FHIT: variants seen among roughly 807,000 people sequenced by gnomAD.
FHIT encodes fragile histidine triad diadenosine triphosphatase.
FHIT carries 19 observed loss-of-function variants against 17.9 expected under a neutral mutation model. The ratio of observed to expected loss-of-function variants is 1.06; its 90% CI spans 0.74 to 1.56. The LOEUF (loss-of-function observed/expected upper bound fraction) is 1.56. Among genes scored for constraint, FHIT ranks in the 40% most tolerant of loss-of-function variants. The pLI, the probability that FHIT is intolerant of heterozygous loss-of-function variation, is 0.00. For missense variants in FHIT, 248 were observed against 189.2 expected (o/e 1.31, Z -1.82); for synonymous variants, 81 against 69.7 (o/e 1.16, Z -0.81).
chr3:60,941,574 G>A lies in FHIT; in HGVS notation c.-111+100473C>T, dbSNP rs567653049. ...ATTGGTTTCTTTCTTTCCTATCCAT[G>A]TTTTTATACTTTTTCTACTGACTAT... is the stretch of plus-strand genomic sequence containing the variant. On this transcript the variant is annotated intron_variant, in intron 3 of 9. Transcript: ENST00000492590. Among the ~76,000 whole-genome samples, 89 of 152,202 alleles carry A rather than the reference G, an allele frequency of 5.8e-4. No individual in the cohort carries two copies. In the South Asian group the frequency reaches 6.4e-3, roughly 11 times the overall value.
At chr3:61,005,410 T>TGTGATG (rs766332154) in intron 3 of FHIT, among the ~76,000 whole-genome samples, 3 of 151,870 alleles carry the variant, frequency 2.0e-5, no homozygotes, top group Non-Finnish European at 2.9e-5. Flanking sequence ...TGATAATGAT[T>TGTGATG]GTGATGGTGA....
intron 4 of FHIT, among the ~76,000 whole-genome samples, chr3:60,664,608 A>G (rs1165512136): frequency 2.6e-5 from 4 of 151,362 alleles, no homozygotes; most frequent in Non-Finnish European, 5.9e-5. Context: ...GTAGTCCTAG[A>G]GATTTCTTTT....
At chr3:61,079,350 T>C (rs377685817) in intron 2 of FHIT, among the ~76,000 whole-genome samples, 1 of 152,166 alleles carries the variant, frequency 6.6e-6, no homozygotes, top group Non-Finnish European at 1.5e-5. Context: ...TTGAGGACAC[T>C]ATAGTGTTTC....
chr3:60,142,332 C>G (rs1161122511), intron 5 of FHIT, among the ~76,000 whole-genome samples: 1 of 152,014 alleles, frequency 6.6e-6, no homozygotes, highest in Non-Finnish European at 1.5e-5. Context: ...TGCACAGGGC[C>G]CAAGAGGAAA....
intron 8 of FHIT, among the ~76,000 whole-genome samples, chr3:59,826,900 C>G (rs369656031): frequency 5.4e-4 from 82 of 152,336 alleles, no homozygotes; most frequent in African/African-American, 1.9e-3. Flanking sequence ...AATTAGTCCA[C>G]CTTATGGCAT....
At chr3:60,490,947 C>G (rs2034038023) in intron 5 of FHIT, among the ~76,000 whole-genome samples, 2 of 152,104 alleles carry the variant, frequency 1.3e-5, no homozygotes, top group Non-Finnish European at 2.9e-5. Context: ...TTTGTGCTAC[C>G]TTTCCTCTAC....
intron 5 of FHIT, among the ~76,000 whole-genome samples, chr3:60,016,229 T>C (rs1269358167): frequency 6.6e-6 from 1 of 152,244 alleles, no homozygotes. Flanking sequence ...GTACATATCA[T>C]GTGTGAAAAC....
At chr3:59,890,533 A>G (rs1028032682) in intron 8 of FHIT, among the ~76,000 whole-genome samples, 2 of 152,164 alleles carry the variant, frequency 1.3e-5, no homozygotes, top group Non-Finnish European at 2.9e-5. Flanking sequence ...TTCATCTGTT[A>G]CATTCCCAAT....
In FHIT at chr3:60,771,972, A is replaced by T. The variant is rs951116395; in HGVS notation, c.-18+49947T>A. Among the ~76,000 whole-genome samples, 17 of 152,334 alleles carry T rather than the reference A, an allele frequency of 1.1e-4. 1 individual carries two copies. The highest frequency in any genetic ancestry group is 3.4e-3 in the Middle Eastern group (1 of 294). ...TGCAGGAAACTCAGAGGAGTGCCCA[A>T]TCCAGGCAACAGCAGATTAGCACTG... On this transcript the variant is annotated intron_variant, in intron 4 of 9. Transcript: ENST00000492590.
chr3:60,237,463 CACA>C (rs1470553079), intron 5 of FHIT, among the ~76,000 whole-genome samples: 3 of 151,940 alleles, frequency 2.0e-5, no homozygotes, highest in Admixed American at 2.0e-4. Flanking sequence ...AACAGGGATC[CACA>C]CTGAATTCAC....
At chr3:60,299,557 A>G (rs1266339582) in intron 5 of FHIT, among the ~76,000 whole-genome samples, 1 of 152,074 alleles carries the variant, frequency 6.6e-6, no homozygotes, top group East Asian at 1.9e-4. Flanking sequence ...CCTGGGAAAC[A>G]TTGGCTTTAT....
intron 3 of FHIT, among the ~76,000 whole-genome samples, chr3:60,944,632 T>A (rs1708563982): frequency 6.6e-6 from 1 of 152,216 alleles, no homozygotes; most frequent in Admixed American, 6.5e-5. Flanking sequence ...CTATTTTAAT[T>A]GTTATGGGCT....
chr3:59,970,836 C>T, intron 7 of FHIT, among the ~76,000 whole-genome samples: 1 of 65,646 alleles, frequency 1.5e-5, no homozygotes, highest in African/African-American at 4.2e-5. Context: ...CCCACTCCAG[C>T]CATTTTTTTT....
intron 5 of FHIT, among the ~76,000 whole-genome samples, chr3:60,178,674 TTTAC>T (rs1209042996): frequency 1.3e-5 from 2 of 152,092 alleles, no homozygotes; most frequent in African/African-American, 4.8e-5. Flanking sequence ...ATACTAACAC[TTTAC>T]TCACTATTTA....
intron 3 of FHIT, among the ~76,000 whole-genome samples, chr3:61,010,423 T>G (rs1205520783): frequency 6.6e-6 from 1 of 152,218 alleles, no homozygotes; most frequent in Non-Finnish European, 1.5e-5. Context: ...TTCATTTATG[T>G]GACTCAACAA....
At chr3:60,503,357 T>C (rs544349147) in intron 5 of FHIT, among the ~76,000 whole-genome samples, 71 of 152,320 alleles carry the variant, frequency 4.7e-4, no homozygotes, top group African/African-American at 1.1e-3. Flanking sequence ...TGTCCACTCA[T>C]TGAGATCTCA....
At chr3:61,107,612 G>C (rs949530006) in intron 2 of FHIT, among the ~76,000 whole-genome samples, 3 of 152,072 alleles carry the variant, frequency 2.0e-5, no homozygotes, top group African/African-American at 7.2e-5. Context: ...TTTCTCTACA[G>C]CTCAGCAACA....
intron 4 of FHIT, among the ~76,000 whole-genome samples, chr3:60,647,854 T>A (rs2039897584): frequency 6.6e-6 from 1 of 152,226 alleles, no homozygotes; most frequent in Non-Finnish European, 1.5e-5. Context: ...ATCTTGGGGA[T>A]GAATTGTCAT....
At chr3:60,271,432 C>T (rs1373269104) in intron 5 of FHIT, among the ~76,000 whole-genome samples, 3 of 152,008 alleles carry the variant, frequency 2.0e-5, no homozygotes, top group African/African-American at 4.8e-5. Flanking sequence ...AATAAACGCC[C>T]ATTAGCATAG....
Sources: gnomAD v4.1 joint callset for allele counts (sites outside exome capture counted in the v4.1 genomes callset) on GRCh38, gnomAD v4.1.1 for gene constraint, MANE v1.5 for transcripts, NCBI Gene and HGNC (gene_info 2026-07-23, HGNC 2026-07-21) for gene names.